Variants in FOXP1 observed in about 807,000 individuals in gnomAD.
FOXP1 encodes the protein forkhead box P1.
A neutral mutation model predicts 98.2 loss-of-function variants in FOXP1; 15 were observed. The ratio of observed to expected loss-of-function variants is 0.15; its 90% CI spans 0.10 to 0.24. The LOEUF (loss-of-function observed/expected upper bound fraction) is 0.24. FOXP1 is among the 10% of genes least tolerant of loss of function. The probability of loss-of-function intolerance (pLI) is 1.00; values close to 1 mark genes in which losing one functional copy is unlikely to be tolerated. For missense variants in FOXP1, 633 were observed against 848.5 expected, an observed-to-expected ratio of 0.75 and a Z score of 3.15; for synonymous variants, 371 against 314.5, an observed-to-expected ratio of 1.18 and a Z score of -1.90.
Position 71,493,571 on chromosome 3 carries a change from A to G in FOXP1, c.-297-16T>C, listed in dbSNP as rs539744247. 2.7e-4 allele frequency: 41 copies of G among 152,278 alleles called. No homozygotes were observed. The highest frequency in any genetic ancestry group is 9.6e-4 in the African/African-American group (40 of 41,554). The allele number at this position is 152,278 out of a possible 1,614,324, so 9.4% of individuals were successfully genotyped here. On this transcript the variant is annotated splice_polypyrimidine_tract_variant and intron_variant, in intron 2 of 20. Transcript: ENST00000649528. ...TTCTGGGACACTGCAACACAAAAAT[A>G]TTTTTTACACATAACTAAGATGTAA...
chr3:71,465,322 AAAAAGAAG>A (rs376653740), intron 3 of FOXP1, among the ~76,000 whole-genome samples: 42,467 of 137,316 alleles, frequency 0.31, 6,738 homozygotes, highest in Non-Finnish European at 0.35. Context: ...AAAAAAAAAA[AAAAAGAAG>A]AAGAAGAAGA....
intron 3 of FOXP1, among the ~76,000 whole-genome samples, chr3:71,402,934 C>T (rs191260282): frequency 3.3e-4 from 51 of 152,334 alleles, no homozygotes; most frequent in South Asian, 8.3e-4. Flanking sequence ...GGCTCTCCAC[C>T]CAATCCACTC....
chr3:71,086,655 T>C (rs1244340396), intron 7 of FOXP1, among the ~76,000 whole-genome samples: 1 of 152,186 alleles, frequency 6.6e-6, no homozygotes, highest in African/African-American at 2.4e-5. Context: ...CCAAGTTCTG[T>C]CTCACCGGAT....
At chr3:70,985,715 CA>C (rs1286798328) in intron 14 of FOXP1, among the ~76,000 whole-genome samples, 1 of 151,490 alleles carries the variant, frequency 6.6e-6, no homozygotes, top group East Asian at 1.9e-4. Flanking sequence ...GGTAATACAA[CA>C]GTACATTTAC....
In FOXP1 at chr3:71,544,195, A is replaced by T. The variant is rs924992838; in HGVS notation, c.-298+37354T>A. ...AGATATAAGTACTTAAAAGATATAA[A>T]TAAAAATATATAAATCCTTCTATAA... On this transcript the variant is annotated intron_variant, in intron 2 of 20. Coordinates refer to ENST00000649528, the MANE Select transcript of FOXP1 (RefSeq NM_001349338.3). Among the ~76,000 whole-genome samples the T allele has an allele frequency of 3.2e-4, 48 of 151,946 alleles. 1 individual carries two copies. The highest frequency in any genetic ancestry group is 6.2e-4 in the South Asian group (3 of 4,828).
At chr3:71,050,472 A>G (rs1281247323) in intron 9 of FOXP1, among the ~76,000 whole-genome samples, 1 of 152,230 alleles carries the variant, frequency 6.6e-6, no homozygotes. Context: ...TCTTTAAAAA[A>G]CTAAATTTTG....
intron 3 of FOXP1, among the ~76,000 whole-genome samples, chr3:71,445,156 C>T (rs1209182512): frequency 2.0e-5 from 3 of 152,096 alleles, no homozygotes; most frequent in Non-Finnish European, 4.4e-5. Context: ...AGCCATAACC[C>T]CCATTTTACC....
chr3:71,573,440 A>G (rs1384239839), intron 2 of FOXP1: 1 of 150,578 alleles, frequency 6.6e-6, no homozygotes, highest in Non-Finnish European at 1.5e-5. Context: ...ACCCCCAGTC[A>G]GCAGCAAGGA....
In FOXP1 at chr3:71,295,118, G is replaced by A. The variant is rs145304491; in HGVS notation, c.-12+4702C>T. ...ACTGTATGTGTGTACGGGGGATCAG[G>A]GAGCATTTCAATGCTTAACTGAATT... On this transcript the variant is annotated intron_variant, in intron 5 of 20. Transcript: ENST00000649528. Among the ~76,000 whole-genome samples the A allele has an allele frequency of 1.3e-3, 197 of 152,272 alleles. No individual in the cohort carries two copies. The Middle Eastern group carries it at 0.014, about 11-fold the overall frequency.
At chr3:70,988,282 A>G (rs1339540204) in intron 13 of FOXP1, among the ~76,000 whole-genome samples, 1 of 152,254 alleles carries the variant, frequency 6.6e-6, no homozygotes, top group East Asian at 1.9e-4. Context: ...CACAAGATGC[A>G]TTAGACTTTA....
intron 3 of FOXP1, among the ~76,000 whole-genome samples, chr3:71,479,994 G>A (rs1283954921): frequency 2.6e-5 from 4 of 151,916 alleles, no homozygotes; most frequent in South Asian, 2.1e-4. Context: ...TCAGGAGTTC[G>A]ACACCAGCCT....
At chr3:71,378,097 CAAA>C (rs11333445) in intron 3 of FOXP1, among the ~76,000 whole-genome samples, 15 of 115,646 alleles carry the variant, frequency 1.3e-4, no homozygotes, top group Non-Finnish European at 2.5e-4. Context: ...GGCCAAGAAA[CAAA>C]AAAAAAAAAA....
chr3:71,031,324 AGTCT>A (rs1447476594), intron 11 of FOXP1, among the ~76,000 whole-genome samples: 11 of 152,368 alleles, frequency 7.2e-5, no homozygotes, highest in African/African-American at 1.7e-4. Flanking sequence ...AGGTCATAAA[AGTCT>A]GTCTATTTGT....
At chr3:71,113,779 A>G (rs2058140191) in intron 6 of FOXP1, among the ~76,000 whole-genome samples, 1 of 141,228 alleles carries the variant, frequency 7.1e-6, no homozygotes, top group Admixed American at 7.2e-5. Context: ...TAAAAAAAGA[A>G]AAAAACAATG....
chr3:71,397,443 C>A (rs72957392), intron 3 of FOXP1, among the ~76,000 whole-genome samples: 3 of 152,094 alleles, frequency 2.0e-5, no homozygotes, highest in African/African-American at 7.2e-5. Flanking sequence ...TTGCTGCCTG[C>A]GGTTCTTTGG....
chr3:71,036,478 C>A lies in FOXP1; in HGVS notation c.869+4850G>T, dbSNP rs542339810. Among the ~76,000 whole-genome samples the A allele has an allele frequency of 5.3e-5, 8 of 152,234 alleles. No homozygotes were observed. In the South Asian group the frequency reaches 1.7e-3, roughly 32 times the overall value. ...AGAACAGCTATGAATCCGAGAAATA[C>A]TCGAGTTATAAAACATCTAATGATG... On this transcript the variant is annotated intron_variant, in intron 11 of 20. Transcript: ENST00000649528.
At chr3:71,339,069 G>C (rs930420495) in intron 4 of FOXP1, among the ~76,000 whole-genome samples, 22 of 152,176 alleles carry the variant, frequency 1.4e-4, no homozygotes, top group African/African-American at 4.1e-4. Flanking sequence ...GTTTACTAGT[G>C]TCTGGATATG....
chr3:71,293,315 T>C (rs1334531425), intron 5 of FOXP1, among the ~76,000 whole-genome samples: 1 of 152,136 alleles, frequency 6.6e-6, no homozygotes, highest in Admixed American at 6.5e-5. Context: ...AAAAAATACA[T>C]GGATACAGTA....
intron 5 of FOXP1, among the ~76,000 whole-genome samples, chr3:71,298,334 G>A (rs1576839560): frequency 6.6e-6 from 1 of 151,972 alleles, no homozygotes; most frequent in Admixed American, 6.6e-5. Context: ...GTATGATGGC[G>A]ACTGCCTGTA....
Sources: gnomAD v4.1 joint callset for allele counts (sites outside exome capture counted in the v4.1 genomes callset) on GRCh38, gnomAD v4.1.1 for gene constraint, MANE v1.5 for transcripts, NCBI Gene and HGNC (gene_info 2026-07-23, HGNC 2026-07-21) for gene names.